The following SDHAF3 variants were observed in gnomAD, a reference collection of about 807,000 sequenced individuals.
The protein encoded by SDHAF3 is succinate dehydrogenase complex assembly factor 3, also known as succinate dehydrogenase assembly factor 3, mitochondrial.
SDHAF3 carries 18 observed loss-of-function variants against 11.5 expected under a neutral mutation model. The ratio of observed to expected loss-of-function variants is 1.56; its 90% CI spans 1.08 to 2.32. The LOEUF is 2.32. Ranked by LOEUF, SDHAF3 falls within the 30% of genes most tolerant of loss-of-function variation. The pLI is 0.00. For missense variants in SDHAF3, 200 were observed against 154.4 expected, an observed-to-expected ratio of 1.30 and a Z score of -1.57; for synonymous variants, 72 against 59.3, an observed-to-expected ratio of 1.21 and a Z score of -0.99.
At chr7:97,179,807 G>A (rs764026648) in intron 1 of SDHAF3, among the ~76,000 whole-genome samples, 3 of 149,804 alleles carry the variant, frequency 2.0e-5, no homozygotes, top group Non-Finnish European at 4.4e-5. Flanking sequence ...AACTTGAAAT[G>A]TTTTCATCTT....
At chr7:97,179,175 CTCAT>C (rs1789732718) in intron 1 of SDHAF3, among the ~76,000 whole-genome samples, 1 of 152,120 alleles carries the variant, frequency 6.6e-6, no homozygotes, top group Admixed American at 6.5e-5. Flanking sequence ...TTCTGGACTC[CTCAT>C]TCTATTGGTG....
At chr7:97,138,933 G>A (rs1788975638) in intron 1 of SDHAF3, among the ~76,000 whole-genome samples, 1 of 152,130 alleles carries the variant, frequency 6.6e-6, no homozygotes, top group African/African-American at 2.4e-5. Flanking sequence ...TTGCACTCTG[G>A]CCCAGATCCT....
chr7:97,150,880 C>G (rs1323888273), intron 1 of SDHAF3, among the ~76,000 whole-genome samples: 1 of 151,906 alleles, frequency 6.6e-6, no homozygotes, highest in Non-Finnish European at 1.5e-5. Context: ...TTTTTCTGAT[C>G]AGTAGTCTGA....
rs566217172 is a variant in SDHAF3 at position 97,130,350 on chromosome 7, C to T, written c.174+12453C>T. On this transcript the variant is annotated intron_variant, in intron 1 of 1. Coordinates refer to ENST00000432641, the MANE Select transcript of SDHAF3 (RefSeq NM_020186.3). Reference sequence around the variant, plus strand: ...ATTCAATAAACCATCACAAAAACACCGACAATGAGTAAACAAGACAGCTTA... The same window carrying T: ...ATTCAATAAACCATCACAAAAACACTGACAATGAGTAAACAAGACAGCTTA... Among the ~76,000 whole-genome samples, 31 of 152,074 alleles carry T rather than the reference C, an allele frequency of 2.0e-4. 1 individual carries two copies. In the South Asian group the frequency reaches 5.4e-3, roughly 26 times the overall value.
intron 1 of SDHAF3, among the ~76,000 whole-genome samples, chr7:97,164,309 C>T (rs1379597043): frequency 1.3e-5 from 2 of 151,670 alleles, no homozygotes; most frequent in African/African-American, 4.8e-5. Context: ...TTATGGCCTC[C>T]TGCTTATTCA....
intron 1 of SDHAF3, among the ~76,000 whole-genome samples, chr7:97,148,469 T>G (rs928725750): frequency 6.6e-6 from 1 of 152,092 alleles, no homozygotes; most frequent in African/African-American, 2.4e-5. Context: ...CCCAGAAGTT[T>G]GAGGCTGAAG....
intron 1 of SDHAF3, among the ~76,000 whole-genome samples, chr7:97,143,949 C>A (rs1465499008): frequency 6.6e-6 from 1 of 152,134 alleles, no homozygotes; most frequent in African/African-American, 2.4e-5. Flanking sequence ...TACATTCCCA[C>A]CAGCAGTGTA....
In SDHAF3 at chr7:97,137,868, CTTT is replaced by C. The variant is rs11381462; in HGVS notation, c.174+19992_174+19994del. Among the ~76,000 whole-genome samples, 26 of 69,094 alleles carry C rather than the reference CTTT, an allele frequency of 3.8e-4. 1 individual carries two copies. In the South Asian group the frequency reaches 0.017, roughly 45 times the overall value. 45.3% of individuals were successfully genotyped at this position (69,094 alleles called of 152,430 possible). On this transcript the variant is annotated intron_variant, in intron 1 of 1. Transcript: ENST00000432641. ...CCTTCATATGCCCTCATTCCATTCG[CTTT>C]TTTTTTTTTTTTTTTTTTTTAGATG...
chr7:97,126,335 G>A (rs576989837), intron 1 of SDHAF3, among the ~76,000 whole-genome samples: 6 of 152,304 alleles, frequency 3.9e-5, no homozygotes, highest in South Asian at 4.1e-4. Context: ...ACCGTCCTGC[G>A]AAAGCCCTCC....
Position 97,181,365 on chromosome 7 carries a change from C to A in SDHAF3, c.*150C>A. The A allele has an allele frequency of 1.7e-6, 1 of 577,064 alleles. No homozygotes were observed. The highest frequency in any genetic ancestry group is 3.0e-6 in the Non-Finnish European group (1 of 337,448). The allele number at this position is 577,064 out of a possible 1,614,324, so 35.7% of individuals were successfully genotyped here. On this transcript the variant is annotated 3_prime_UTR_variant, in exon 2 of 2. Transcript: ENST00000432641. ...GATATTATGATTGCAGTATATGGAT[C>A]AAGATCACTAGTGACAATTGAAAAA... is the stretch of plus-strand genomic sequence containing the variant.
At chr7:97,136,582 A>G (rs1424307801) in intron 1 of SDHAF3, 2 of 501,374 alleles carry the variant, frequency 4.0e-6, no homozygotes, top group South Asian at 3.6e-5. Flanking sequence ...AGATTGAACT[A>G]TGTACAGTAC....
chr7:97,130,542 G>C (rs1438658095), intron 1 of SDHAF3, among the ~76,000 whole-genome samples: 2 of 152,166 alleles, frequency 1.3e-5, no homozygotes, highest in Non-Finnish European at 1.5e-5. Context: ...TCATGTTACA[G>C]CTTGTTCATT....
At chr7:97,145,335 C>G (rs1789119963) in intron 1 of SDHAF3, among the ~76,000 whole-genome samples, 1 of 152,078 alleles carries the variant, frequency 6.6e-6, no homozygotes, top group African/African-American at 2.4e-5. Context: ...TTTTTACATT[C>G]TGACTAGTAC....
chr7:97,172,221 T>C (rs571852575), intron 1 of SDHAF3, among the ~76,000 whole-genome samples: 1 of 152,322 alleles, frequency 6.6e-6, no homozygotes, highest in East Asian at 1.9e-4. Flanking sequence ...ATTATTTTAC[T>C]TGGGAAGCTT....
intron 1 of SDHAF3, among the ~76,000 whole-genome samples, chr7:97,132,952 A>G (rs1791692901): frequency 1.3e-5 from 2 of 152,200 alleles, no homozygotes; most frequent in African/African-American, 4.8e-5. Flanking sequence ...TTTGTATAAC[A>G]TTGAAATATA....
intron 1 of SDHAF3, among the ~76,000 whole-genome samples, chr7:97,121,263 C>T (rs555192221): frequency 1.3e-5 from 2 of 152,276 alleles, no homozygotes; most frequent in African/African-American, 2.4e-5. Flanking sequence ...CTCTCTGTGC[C>T]TACCACTTAT....
intron 1 of SDHAF3, among the ~76,000 whole-genome samples, chr7:97,144,529 T>G (rs796515673): frequency 1.3e-5 from 2 of 152,352 alleles, no homozygotes; most frequent in African/African-American, 4.8e-5. Context: ...TTCTCTTACA[T>G]GTGGCTAGCC....
chr7:97,140,087 T>A (rs1439579471), intron 1 of SDHAF3, among the ~76,000 whole-genome samples: 6 of 152,190 alleles, frequency 3.9e-5, no homozygotes, highest in Admixed American at 1.3e-4. Flanking sequence ...TTTATCTCAA[T>A]GTTCTTTGTC....
At chr7:97,139,237 T>C (rs1043201138) in intron 1 of SDHAF3, among the ~76,000 whole-genome samples, 1 of 152,208 alleles carries the variant, frequency 6.6e-6, no homozygotes, top group African/African-American at 2.4e-5. Flanking sequence ...AAGAGTTTTA[T>C]TGAACAACAG....
Sources: gnomAD v4.1 joint callset for allele counts (sites outside exome capture counted in the v4.1 genomes callset) on GRCh38, gnomAD v4.1.1 for gene constraint, MANE v1.5 for transcripts, NCBI Gene and HGNC (gene_info 2026-07-23, HGNC 2026-07-21) for gene names.